ADAMTS2: variants seen among roughly 807,000 people sequenced by gnomAD.
ADAMTS2 encodes the protein ADAM metallopeptidase with thrombospondin type 1 motif 2.
Under a neutral mutation model 123.0 loss-of-function variants are expected in ADAMTS2, and 50 were observed. The observed-to-expected ratio is 0.41, with a 90% CI of 0.32 to 0.51. The LOEUF (loss-of-function observed/expected upper bound fraction) is 0.51, where lower values mean the gene tolerates loss of function less well. ADAMTS2 is among the 20% of genes least tolerant of loss of function. The pLI is 0.35. For missense variants in ADAMTS2, 1,494 were observed against 1,705.2 expected (o/e 0.88, Z 2.18); for synonymous variants, 678 against 695.4 (o/e 0.98, Z 0.39).
At chr5:179,134,063 G>A (rs10464082) in intron 13 of ADAMTS2, among the ~76,000 whole-genome samples, 32,500 of 151,988 alleles carry the variant, frequency 0.21, 3,999 homozygotes, top group Middle Eastern at 0.34. Flanking sequence ...CCACACCCAC[G>A]GAGACAGTGC....
chr5:179,281,636 G>A (rs1171628393), intron 2 of ADAMTS2, among the ~76,000 whole-genome samples: 1 of 152,188 alleles, frequency 6.6e-6, no homozygotes, highest in African/African-American at 2.4e-5. Flanking sequence ...TATGCATAAT[G>A]CTGCTATGAA....
At chr5:179,287,603 C>T (rs1019605901) in intron 2 of ADAMTS2, among the ~76,000 whole-genome samples, 4 of 152,114 alleles carry the variant, frequency 2.6e-5, no homozygotes, top group Admixed American at 6.5e-5. Context: ...TGTTGGAAGA[C>T]GGGGTATGCA....
chr5:179,289,484 C>T (rs1348407966), intron 2 of ADAMTS2, among the ~76,000 whole-genome samples: 4 of 152,120 alleles, frequency 2.6e-5, no homozygotes, highest in African/African-American at 4.8e-5. Context: ...GCGGCAGGTA[C>T]GACTTATCCG....
Position 179,137,837 on chromosome 5 carries a change from C to T in ADAMTS2, c.1883G>A (p.Arg628His), listed in dbSNP as rs140621260. ...GTGCTCGAAGTACAGGTCCCACTGG[C>T]GGCACTGCTCCTCGCGGAAGTCAGC... is the stretch of plus-strand genomic sequence containing the variant. ...SLADFREEQC[R>H]QWDLYFEHGD... The change falls in exon 12 of 22, where the codon CGC becomes CAC. Residue 628 changes from arginine to histidine, a missense_variant. Around this residue, in one of 6 missense-constraint regions of ADAMTS2, gnomAD observed 953 missense variants for 1,124.7 expected, o/e 0.85. Transcript: ENST00000251582. 2,253 of 1,572,592 alleles carry T rather than the reference C, an allele frequency of 1.4e-3. 5 individuals are homozygous for T. The highest frequency in any genetic ancestry group is 1.8e-3 in the Non-Finnish European group (2,118 of 1,160,532).
chr5:179,339,128 C>T (rs2127461892), intron 2 of ADAMTS2, among the ~76,000 whole-genome samples: 1 of 152,302 alleles, frequency 6.6e-6, no homozygotes, highest in East Asian at 1.9e-4. Context: ...TATGATAGGC[C>T]CCTCTTCATT....
At chr5:179,149,247 G>A (rs1763307805) in intron 10 of ADAMTS2, among the ~76,000 whole-genome samples, 1 of 152,128 alleles carries the variant, frequency 6.6e-6, no homozygotes, top group South Asian at 2.1e-4. Flanking sequence ...AGAGACCTGA[G>A]AGAGATGCCC....
chr5:179,193,329 C>T (rs1764349473), intron 4 of ADAMTS2, among the ~76,000 whole-genome samples: 1 of 152,210 alleles, frequency 6.6e-6, no homozygotes, highest in Non-Finnish European at 1.5e-5. Flanking sequence ...GAGTACTTCC[C>T]CGCGTGCGAT....
At chr5:179,329,055 C>T (rs907595845) in intron 2 of ADAMTS2, among the ~76,000 whole-genome samples, 6 of 152,192 alleles carry the variant, frequency 3.9e-5, no homozygotes, top group Non-Finnish European at 8.8e-5. Flanking sequence ...AGGCCAGGCA[C>T]AGTGGCTCAT....
At chr5:179,338,821 G>A (rs911828834) in intron 2 of ADAMTS2, among the ~76,000 whole-genome samples, 2 of 152,152 alleles carry the variant, frequency 1.3e-5, no homozygotes, top group East Asian at 1.9e-4. Flanking sequence ...GCAGTGGGGG[G>A]TACAAGAGCA....
In ADAMTS2 at chr5:179,191,516, G is replaced by A. The variant is rs567517388; in HGVS notation, c.892-10361C>T. Among the ~76,000 whole-genome samples, 18 of 152,198 alleles carry A rather than the reference G, an allele frequency of 1.2e-4. No individual in the cohort carries two copies. The East Asian group carries it at 2.3e-3, about 20-fold the overall frequency. ...ATTCCCCCACACATCATATTCTGCC[G>A]CTGCTCTGTCACCAGTGTGACCTAA... On this transcript the variant is annotated intron_variant, in intron 4 of 21. Coordinates refer to ENST00000251582, the MANE Select transcript of ADAMTS2 (RefSeq NM_014244.5).
intron 3 of ADAMTS2, among the ~76,000 whole-genome samples, chr5:179,223,450 GCA>G (rs370628279): frequency 0.038 from 5,273 of 139,146 alleles, 262 homozygotes; most frequent in African/African-American, 0.13. Flanking sequence ...ACTCACACAC[GCA>G]CACTCACACA....
chr5:179,340,125 C>T (rs911491844), intron 2 of ADAMTS2, among the ~76,000 whole-genome samples: 2 of 152,214 alleles, frequency 1.3e-5, no homozygotes, highest in African/African-American at 2.4e-5. Flanking sequence ...TTGTGGGGTT[C>T]GCATCAAGCA....
At chr5:179,217,639 C>T (rs1297409321) in intron 3 of ADAMTS2, among the ~76,000 whole-genome samples, 1 of 142,972 alleles carries the variant, frequency 7.0e-6, no homozygotes, top group Non-Finnish European at 1.6e-5. Flanking sequence ...GGGTTCCAAG[C>T]CTAGGGCTCT....
intron 7 of ADAMTS2, 133 bp downstream of exon 7, chr5:179,154,681 A>T: frequency 1.4e-6 from 1 of 733,670 alleles, no homozygotes; most frequent in Non-Finnish European, 2.3e-6. Context: ...AGCGCTGGGA[A>T]GACAGGAGAC....
chr5:179,209,213 G>A (rs770800697), intron 3 of ADAMTS2, among the ~76,000 whole-genome samples: 6 of 152,158 alleles, frequency 3.9e-5, no homozygotes, highest in Non-Finnish European at 8.8e-5. Flanking sequence ...GGCCATTTCC[G>A]TTTTACAGAT....
intron 3 of ADAMTS2, among the ~76,000 whole-genome samples, chr5:179,217,745 C>T (rs1765016270): frequency 6.9e-6 from 1 of 145,702 alleles, no homozygotes; most frequent in Non-Finnish European, 1.5e-5. Context: ...GGCACACTTG[C>T]TAGGGGATGG....
chr5:179,135,334 GT>G (rs1347687123), intron 13 of ADAMTS2, among the ~76,000 whole-genome samples: 1 of 152,232 alleles, frequency 6.6e-6, no homozygotes, highest in African/African-American at 2.4e-5. Flanking sequence ...ACTTCCGGTT[GT>G]TTTCGGGGGA....
Position 179,194,645 on chromosome 5 carries a change from G to C in ADAMTS2, c.891+12868C>G, listed in dbSNP as rs538086641. 2.0e-5 allele frequency among the ~76,000 whole-genome samples: 3 copies of C among 152,198 alleles called. No individual in the cohort carries two copies. The South Asian group carries it at 6.2e-4, about 32-fold the overall frequency. On this transcript the variant is annotated intron_variant, in intron 4 of 21. Transcript: ENST00000251582. ...GACAGTAGGGGAGGACCAGCACAGG[G>C]GCCACCTTCCCACAGGTATGTGACT...
Position 179,162,086 on chromosome 5 carries a change from T to G in ADAMTS2, c.976-3207A>C, listed in dbSNP as rs1176150124. 6.6e-6 allele frequency among the ~76,000 whole-genome samples: 1 copy of G among 152,116 alleles called. No individual in the cohort carries two copies. The highest frequency in any genetic ancestry group is 1.9e-4 in the East Asian group (1 of 5,174). ...CAGGGCACGTCTCCCAGCATCAGTGTCAAGGGAGTCCTGTCCAAGATGAAC... is the reference window on the plus strand; with the variant it reads ...CAGGGCACGTCTCCCAGCATCAGTGGCAAGGGAGTCCTGTCCAAGATGAAC... On this transcript the variant is annotated intron_variant, in intron 5 of 21. Coordinates refer to ENST00000251582, the MANE Select transcript of ADAMTS2 (RefSeq NM_014244.5). This position sits in a 1 kb window ranked among gnomAD's most constrained non-coding sequence, Gnocchi z 5.1.
Sources: gnomAD v4.1 joint callset for allele counts (sites outside exome capture counted in the v4.1 genomes callset) on GRCh38, gnomAD v4.1.1 for gene constraint, gnomAD v4.1.1 regional missense constraint, Gnocchi (gnomAD v3.1) non-coding constraint, MANE v1.5 for transcripts, NCBI Gene and HGNC (gene_info 2026-07-23, HGNC 2026-07-21) for gene names.